PCNX2: variants seen among roughly 807,000 people sequenced by gnomAD.
The protein encoded by PCNX2 is pecanex 2, also known as pecanex-like protein 2.
PCNX2 carries 168 observed loss-of-function variants against 223.8 expected under a neutral mutation model. The ratio of observed to expected loss-of-function variants is 0.75; its 90% CI spans 0.66 to 0.85. PCNX2 has a LOEUF of 0.85. PCNX2 is among the 40% of genes least tolerant of loss of function. The probability of loss-of-function intolerance (pLI) is 0.00; values close to 1 mark genes in which losing one functional copy is unlikely to be tolerated. For synonymous variants in PCNX2, 1,006 were observed against 1,052.6 expected, an observed-to-expected ratio of 0.96 and a Z score of 0.86; for missense variants, 2,507 against 2,675.5, an observed-to-expected ratio of 0.94 and a Z score of 1.39.
At chr1:233,088,135 C>G (rs1572091021) in intron 23 of PCNX2, among the ~76,000 whole-genome samples, 1 of 152,144 alleles carries the variant, frequency 6.6e-6, no homozygotes, top group Non-Finnish European at 1.5e-5. Context: ...ACACCTAACT[C>G]CTTTTGCGCA....
intron 19 of PCNX2, among the ~76,000 whole-genome samples, chr1:233,152,025 A>C (rs2477866): frequency 0.058 from 8,892 of 152,274 alleles, 379 homozygotes; most frequent in Non-Finnish European, 0.086. Flanking sequence ...TTCACTGCCA[A>C]ACCCCTGCGG....
chr1:233,211,698 C>A (rs796590530), intron 12 of PCNX2: 2 of 903,036 alleles, frequency 2.2e-6, no homozygotes, highest in African/African-American at 3.6e-5. Flanking sequence ...GCTTCCTCTA[C>A]CAACCATGGG....
chr1:233,227,645 C>T (rs1030052891), intron 9 of PCNX2, among the ~76,000 whole-genome samples: 6 of 152,130 alleles, frequency 3.9e-5, no homozygotes, highest in Non-Finnish European at 8.8e-5. Context: ...TGCTACTCAT[C>T]ACGTCAAAAT....
chr1:233,292,239 C>A (rs1439412556), intron 1 of PCNX2, among the ~76,000 whole-genome samples: 1 of 108,916 alleles, frequency 9.2e-6, no homozygotes, highest in Non-Finnish European at 1.7e-5. Flanking sequence ...TGGAGTTTTG[C>A]TCTGTCACCC....
chr1:233,243,030 A>C (rs1658869815), intron 8 of PCNX2, among the ~76,000 whole-genome samples: 1 of 152,244 alleles, frequency 6.6e-6, no homozygotes, highest in African/African-American at 2.4e-5. Context: ...CTCTATGGAC[A>C]GCTATTGTAC....
chr1:233,216,423 G>A, intron 12 of PCNX2, among the ~76,000 whole-genome samples: 1 of 152,148 alleles, frequency 6.6e-6, no homozygotes, highest in East Asian at 1.9e-4. Flanking sequence ...TGAAAATGTG[G>A]AATAAAGAGA....
chr1:233,133,957 GT>G (rs1192291581), intron 21 of PCNX2, among the ~76,000 whole-genome samples: 7 of 152,070 alleles, frequency 4.6e-5, no homozygotes, highest in African/African-American at 1.7e-4. Flanking sequence ...CGATACAAGA[GT>G]TTTTTATTTT....
intron 10 of PCNX2, among the ~76,000 whole-genome samples, chr1:233,218,587 CA>C (rs1049389478): frequency 7.9e-5 from 12 of 151,912 alleles, no homozygotes; most frequent in Admixed American, 7.2e-4. Flanking sequence ...TTCATGTTTC[CA>C]AAAAAATGAA....
At chr1:233,054,545 G>A in intron 24 of PCNX2, 62 bp from the exon 25 acceptor site, 1 of 1,342,468 alleles carries the variant, frequency 7.4e-7, no homozygotes, top group Non-Finnish European at 1.0e-6. Flanking sequence ...TCCAGACCTA[G>A]GAAACAGTGA....
chr1:233,258,039 C>A lies in PCNX2; in HGVS notation c.1823G>T (p.Gly608Val), dbSNP rs776300763. 4 of 1,610,698 alleles carry A rather than the reference C, an allele frequency of 2.5e-6. No homozygotes were observed. In the South Asian group the frequency reaches 4.4e-5, roughly 18 times the overall value. Residue 608 changes from glycine (G) to valine (V), a missense_variant, in exon 5 of 34, where the codon GGG becomes GTG. Physicochemically the swap from Gly to Val is moderately radical, Grantham distance 109. This residue lies in a region of PCNX2 where 1,031 missense variants were observed against 1,021.7 expected (regional missense o/e 1.01). Transcript: ENST00000258229. Reference protein sequence around the residue: ...NGSAEQNEESGLLRDNCSQEK... With the variant: ...NGSAEQNEESVLLRDNCSQEK... ...ACATGGAATCGCACCTCGGAGAAGC[C>A]CACTTTCTTCATTCTGCTCAGCTGA... is the stretch of plus-strand genomic sequence containing the variant.
intron 23 of PCNX2, among the ~76,000 whole-genome samples, chr1:233,068,994 T>C (rs1025928332): frequency 6.6e-6 from 1 of 152,006 alleles, no homozygotes; most frequent in Non-Finnish European, 1.5e-5. Flanking sequence ...TATAGTAACA[T>C]AGCCCAACTG....
intron 32 of PCNX2, among the ~76,000 whole-genome samples, chr1:232,996,562 G>A (rs2102789411): frequency 6.6e-6 from 1 of 152,210 alleles, no homozygotes; most frequent in Non-Finnish European, 1.5e-5. Flanking sequence ...TTGAGCAGCG[G>A]ATACCACCTA....
chr1:233,280,676 A>G (rs577351585), intron 1 of PCNX2, among the ~76,000 whole-genome samples: 4 of 152,264 alleles, frequency 2.6e-5, no homozygotes, highest in African/African-American at 7.2e-5. Flanking sequence ...GGTCTGTCTT[A>G]TTCTCCATTA....
In PCNX2 at chr1:232,993,093, C is replaced by T. The variant is rs533107880; in HGVS notation, c.5791+5158G>A. 2.6e-5 allele frequency among the ~76,000 whole-genome samples: 4 copies of T among 152,244 alleles called. No individual in the cohort carries two copies. In the East Asian group the frequency reaches 5.8e-4, roughly 22 times the overall value. ...ATAAAGATACCTGAAAATGTGGAAG[C>T]AACTTTGGAACTGGGTAATAGGCAG... is the stretch of plus-strand genomic sequence containing the variant. On this transcript the variant is annotated intron_variant, in intron 32 of 33. Transcript: ENST00000258229.
Position 233,054,266 on chromosome 1 carries a change from A to C in PCNX2, c.4351+2T>G. 1 of 1,612,046 alleles carries C rather than the reference A, an allele frequency of 6.2e-7. No homozygotes were observed. On this transcript the variant is annotated splice_donor_variant, in intron 25 of 33. Transcript: ENST00000258229. LOFTEE classifies it high-confidence loss of function. The stretch of plus-strand genomic sequence containing the variant: ...CAGTTTCTACAATGAAGAAATTCTT[A>C]CCTCGGAATTCCAGTCCTCGAAGTT...
At chr1:233,191,796 T>G (rs1680433994) in intron 15 of PCNX2, among the ~76,000 whole-genome samples, 2 of 152,194 alleles carry the variant, frequency 1.3e-5, no homozygotes, top group African/African-American at 2.4e-5. Context: ...ATTTTACCAC[T>G]TGGCCTTGCA....
At chr1:233,088,033 T>C (rs1257727378) in intron 23 of PCNX2, among the ~76,000 whole-genome samples, 1 of 152,262 alleles carries the variant, frequency 6.6e-6, no homozygotes, top group Non-Finnish European at 1.5e-5. Context: ...GAAGTCCGTA[T>C]GTTTAAGTAA....
chr1:233,051,999 T>G (rs903930999), intron 25 of PCNX2, among the ~76,000 whole-genome samples: 1 of 152,220 alleles, frequency 6.6e-6, no homozygotes. Flanking sequence ...TCTCGTGACA[T>G]TTTCTGGCAT....
At position 233,152,943 on chromosome 1, in the gene PCNX2, G is replaced by A. The variant is rs544385296; in HGVS notation, c.3517+7340C>T. Among the ~76,000 whole-genome samples, 18 of 152,288 alleles carry A rather than the reference G, an allele frequency of 1.2e-4. No homozygotes were observed. In the South Asian group the frequency reaches 1.7e-3, roughly 14 times the overall value. On this transcript the variant is annotated intron_variant, in intron 19 of 33. Transcript: ENST00000258229. ...GAAGACAAAACTGAATCACAATGGC[G>A]AAGCACACTTAATATGCGACAGAAC...
Sources: allele counts gnomAD v4.1 joint callset (sites outside exome capture counted in the v4.1 genomes callset), GRCh38; gene constraint gnomAD v4.1.1; regional missense constraint gnomAD v4.1.1; transcripts MANE v1.5; gene names NCBI Gene and HGNC (gene_info 2026-07-23, HGNC 2026-07-21).